Variants in TNIK observed in about 807,000 individuals in gnomAD.
The protein encoded by TNIK is TRAF2 and NCK-interacting protein kinase.
TNIK carries 49 observed loss-of-function variants against 191.3 expected under a neutral mutation model. The observed-to-expected ratio is 0.26, with a 90% CI of 0.20 to 0.32. The LOEUF is 0.32. Ranked by LOEUF, TNIK falls within the 10% of genes least tolerant of loss-of-function variation. The probability of loss-of-function intolerance (pLI) is 1.00; values close to 1 mark genes in which losing one functional copy is unlikely to be tolerated. For synonymous variants in TNIK, 594 were observed against 600.9 expected, an observed-to-expected ratio of 0.99 and a Z score of 0.17; for missense variants, 1,155 against 1,702.3, an observed-to-expected ratio of 0.68 and a Z score of 5.66.
At chr3:171,193,804 C>T (rs1348219532) in intron 5 of TNIK, among the ~76,000 whole-genome samples, 2 of 152,146 alleles carry the variant, frequency 1.3e-5, no homozygotes, top group African/African-American at 2.4e-5. Context: ...ATATAATAAC[C>T]TCCATATTAG....
intron 1 of TNIK, among the ~76,000 whole-genome samples, chr3:171,426,556 A>AAT (rs10664657): frequency 0.065 from 9,884 of 151,798 alleles, 473 homozygotes; most frequent in East Asian, 0.25. Flanking sequence ...AAGTATAATA[A>AAT]ATATATATAT....
rs1733711366 is a variant in TNIK, at chr3:171,159,633, A to G, written c.1016+1637T>C. ...CCATGCACACGAGGATGCTCCATTA[A>G]TATTAATTGATATTGAATCAATGTC... On this transcript the variant is annotated intron_variant, in intron 11 of 32. Coordinates refer to ENST00000436636, the MANE Select transcript of TNIK (RefSeq NM_015028.4). This position sits in a 1 kb window ranked among gnomAD's most constrained non-coding sequence, Gnocchi z 4.1. Among the ~76,000 whole-genome samples, 1 of 152,170 alleles carries G rather than the reference A, an allele frequency of 6.6e-6. No homozygotes were observed. Among genetic ancestry groups the G allele is most frequent in the South Asian group, 2.1e-4 (1 of 4,828 alleles).
intron 2 of TNIK, among the ~76,000 whole-genome samples, chr3:171,341,077 A>G (rs965978006): frequency 2.6e-5 from 4 of 152,212 alleles, no homozygotes; most frequent in African/African-American, 9.6e-5. Flanking sequence ...ATGGCTATTA[A>G]TGCAGTTGTA....
At chr3:171,229,219 G>A (rs1275395614) in intron 2 of TNIK, among the ~76,000 whole-genome samples, 1 of 152,204 alleles carries the variant, frequency 6.6e-6, no homozygotes, top group Non-Finnish European at 1.5e-5. Context: ...ATGCAGATTA[G>A]CTGTCAGCAG....
chr3:171,424,949 G>A (rs1042826970), intron 1 of TNIK, among the ~76,000 whole-genome samples: 3 of 148,894 alleles, frequency 2.0e-5, no homozygotes, highest in East Asian at 2.0e-4. Context: ...AAACCTGCAC[G>A]TTGTGCACAT....
intron 3 of TNIK, among the ~76,000 whole-genome samples, chr3:171,220,252 G>C (rs1394801509): frequency 6.6e-6 from 1 of 152,064 alleles, no homozygotes; most frequent in Non-Finnish European, 1.5e-5. Context: ...TGGGGTGGCG[G>C]GCAAGGGGAG....
chr3:171,445,002 A>G (rs549055802), intron 1 of TNIK, among the ~76,000 whole-genome samples: 2 of 152,228 alleles, frequency 1.3e-5, no homozygotes, highest in Admixed American at 1.3e-4. Context: ...GGCATGAGCC[A>G]CCATGCCCAG....
At chr3:171,389,983 C>T (rs768143101) in intron 1 of TNIK, among the ~76,000 whole-genome samples, 1 of 152,206 alleles carries the variant, frequency 6.6e-6, no homozygotes, top group Non-Finnish European at 1.5e-5. Flanking sequence ...CCTTCATATA[C>T]AATACAACAT....
At chr3:171,235,715 TAAC>T (rs1296929597) in intron 2 of TNIK, among the ~76,000 whole-genome samples, 3 of 152,046 alleles carry the variant, frequency 2.0e-5, no homozygotes, top group African/African-American at 7.3e-5. Flanking sequence ...TTTTAAAAGT[TAAC>T]AACCATATGT....
At chr3:171,130,231 TATACAAAG>T (rs1729050508) in intron 15 of TNIK, among the ~76,000 whole-genome samples, 3 of 152,204 alleles carry the variant, frequency 2.0e-5, no homozygotes, top group Non-Finnish European at 4.4e-5. Context: ...CTCAATCAAA[TATACAAAG>T]TAAGTCTGTT....
Position 171,273,484 on chromosome 3 carries a change from C to CT in TNIK, c.124-45264dup, listed in dbSNP as rs1417508523. ...AATGTAGAACTGTCCCTCCTACCCT[C>CT]TTCAATGCATCTTTTCATATTATGC... is the stretch of plus-strand genomic sequence containing the variant. On this transcript the variant is annotated intron_variant, in intron 2 of 32. Transcript: ENST00000436636. 3.9e-5 allele frequency among the ~76,000 whole-genome samples: 6 copies of CT among 152,136 alleles called. No individual in the cohort carries two copies. In the East Asian group the frequency reaches 1.2e-3, roughly 29 times the overall value.
At chr3:171,201,782 T>C (rs1739443348) in intron 4 of TNIK, among the ~76,000 whole-genome samples, 1 of 152,156 alleles carries the variant, frequency 6.6e-6, no homozygotes, top group African/African-American at 2.4e-5. Flanking sequence ...TTTACATTCA[T>C]TTTTAAACTA....
intron 2 of TNIK, among the ~76,000 whole-genome samples, chr3:171,368,176 T>C (rs981577512): frequency 1.4e-4 from 21 of 152,238 alleles, no homozygotes; most frequent in Admixed American, 9.2e-4. Context: ...CTTGAATTAG[T>C]GTACCAAGCT....
chr3:171,449,152 T>C (rs1056330148), intron 1 of TNIK, among the ~76,000 whole-genome samples: 6 of 152,076 alleles, frequency 3.9e-5, no homozygotes, highest in Admixed American at 6.6e-5. Flanking sequence ...CAGTCTATCA[T>C]TGATGGGCAT....
intron 2 of TNIK, among the ~76,000 whole-genome samples, chr3:171,241,129 C>T (rs1744932910): frequency 6.6e-6 from 1 of 151,736 alleles, no homozygotes; most frequent in African/African-American, 2.4e-5. Context: ...CTCCCAGTTT[C>T]AAGAGATTCT....
intron 2 of TNIK, among the ~76,000 whole-genome samples, chr3:171,354,059 GA>G (rs918148172): frequency 1.3e-5 from 2 of 150,658 alleles, no homozygotes; most frequent in African/African-American, 4.9e-5. Flanking sequence ...GCGCTACCAA[GA>G]AAAAAAAATT....
At chr3:171,433,609 T>A (rs1725640868) in intron 1 of TNIK, among the ~76,000 whole-genome samples, 1 of 151,970 alleles carries the variant, frequency 6.6e-6, no homozygotes, top group Non-Finnish European at 1.5e-5. Context: ...CACATACACG[T>A]GTGCAACAAA....
chr3:171,158,035 T>C (rs1489791039), intron 11 of TNIK, among the ~76,000 whole-genome samples: 2 of 152,182 alleles, frequency 1.3e-5, no homozygotes, highest in Non-Finnish European at 2.9e-5. Flanking sequence ...TGGATTATTT[T>C]CAATAAAAAT....
At chr3:171,434,028 C>T (rs1334804328) in intron 1 of TNIK, among the ~76,000 whole-genome samples, 4 of 146,352 alleles carry the variant, frequency 2.7e-5, no homozygotes, top group Non-Finnish European at 4.5e-5. Context: ...TCGCTACAAC[C>T]ACCACCTCCT....
Sources: allele counts gnomAD v4.1 joint callset (sites outside exome capture counted in the v4.1 genomes callset), GRCh38; gene constraint gnomAD v4.1.1; non-coding constraint Gnocchi (gnomAD v3.1); transcripts MANE v1.5; gene names NCBI Gene and HGNC (gene_info 2026-07-23, HGNC 2026-07-21).